The following TMEM131L variants were observed in gnomAD, a reference collection of about 807,000 sequenced individuals.
The protein encoded by TMEM131L is transmembrane protein 131-like.
In TMEM131L, 54 loss-of-function variants were observed where a neutral mutation model predicts 192.2. The ratio of observed to expected loss-of-function variants is 0.28; its 90% CI spans 0.23 to 0.35. TMEM131L has a LOEUF of 0.35. Among genes scored for constraint, TMEM131L ranks in the 10% least tolerant of loss-of-function variants. TMEM131L has a pLI of 1.00. For missense variants in TMEM131L, 1,888 were observed against 1,972.9 expected, an observed-to-expected ratio of 0.96 and a Z score of 0.82; for synonymous variants, 701 against 704.9, an observed-to-expected ratio of 0.99 and a Z score of 0.09.
At chr4:153,594,234 T>C (rs899398585) in intron 19 of TMEM131L, among the ~76,000 whole-genome samples, 6 of 138,096 alleles carry the variant, frequency 4.3e-5, no homozygotes, top group African/African-American at 1.5e-4. Flanking sequence ...AACAAATACA[T>C]TAAAAAAAAT....
rs114379539 is a variant in TMEM131L at position 153,527,256 on chromosome 4, C to A, written c.240-22817C>A. 5.4e-3 allele frequency among the ~76,000 whole-genome samples: 821 copies of A among 150,804 alleles called. 16 individuals are homozygous for A. The highest frequency in any genetic ancestry group is 0.019 in the African/African-American group (764 of 40,826). On this transcript the variant is annotated intron_variant, in intron 3 of 34. Transcript: ENST00000409959. The stretch of plus-strand genomic sequence containing the variant: ...GTAATTATCATTTGGTGACTTGTTG[C>A]CAAATCTTCAGTTTTTTTTCTTTGT...
intron 7 of TMEM131L, among the ~76,000 whole-genome samples, chr4:153,561,522 C>T (rs28379256): frequency 6.6e-6 from 1 of 152,128 alleles, no homozygotes; most frequent in Non-Finnish European, 1.5e-5. Context: ...GACCCATCCT[C>T]ACTTTAAGTT....
At chr4:153,607,703 TCTC>T (rs756895295) in intron 25 of TMEM131L, among the ~76,000 whole-genome samples, 6 of 152,176 alleles carry the variant, frequency 3.9e-5, no homozygotes, top group Non-Finnish European at 5.9e-5. Flanking sequence ...TAATCTGCCT[TCTC>T]CTATTCTGAG....
chr4:153,560,530 C>T (rs1561193042), intron 7 of TMEM131L, among the ~76,000 whole-genome samples: 1 of 152,156 alleles, frequency 6.6e-6, no homozygotes, highest in Non-Finnish European at 1.5e-5. Context: ...TAAAGTGTAC[C>T]ATTCAGTGGG....
In TMEM131L at chr4:153,586,382, A is replaced by T. The variant is rs1237169324; in HGVS notation, c.1482+3A>T. ...AGATTTATTCAGCACCAACCAAGGTATTTTCTACAATACTATATGTGTGTT... is the reference window on the plus strand; with the variant it reads ...AGATTTATTCAGCACCAACCAAGGTTTTTTCTACAATACTATATGTGTGTT... On this transcript the variant is annotated splice_donor_region_variant and intron_variant, in intron 14 of 34. Transcript: ENST00000409959. 1.3e-6 allele frequency: 2 copies of T among 1,588,832 alleles called. No individual in the cohort carries two copies. Among genetic ancestry groups the T allele is most frequent in the Admixed American group, 3.6e-5 (2 of 56,298 alleles).
At position 153,603,373 on chromosome 4, in the gene TMEM131L, A is replaced by G. The variant is rs766720102; in HGVS notation, c.2710A>G (p.Thr904Ala). ...GTACATTCTCATGGAATTCATGAAA[A>G]CAAGACAGAGGCAAAATGCTAGCTC... The part of the protein sequence containing the change: ...AQYILMEFMK[T>A]RQRQNASSSS... The change falls in exon 24 of 35, where the codon ACA becomes GCA. Residue 904 changes from threonine to alanine, a missense_variant. Coordinates refer to ENST00000409959, the MANE Select transcript of TMEM131L (RefSeq NM_001131007.2). 1.2e-6 allele frequency: 2 copies of G among 1,613,890 alleles called. No homozygotes were observed. Among genetic ancestry groups the G allele is most frequent in the African/African-American group, 1.3e-5 (1 of 74,892 alleles).
chr4:153,534,717 G>A (rs1425059528), intron 3 of TMEM131L, among the ~76,000 whole-genome samples: 2 of 152,234 alleles, frequency 1.3e-5, no homozygotes, highest in African/African-American at 4.8e-5. Context: ...ACAGGCGTGA[G>A]CCACGGCGCC....
intron 3 of TMEM131L, among the ~76,000 whole-genome samples, chr4:153,526,137 G>A (rs1005693696): frequency 4.6e-5 from 7 of 152,110 alleles, no homozygotes; most frequent in Non-Finnish European, 5.9e-5. Context: ...GATTACAGGC[G>A]TGAGCCACCA....
At chr4:153,525,892 C>G (rs1384774539) in intron 3 of TMEM131L, among the ~76,000 whole-genome samples, 1 of 151,688 alleles carries the variant, frequency 6.6e-6, no homozygotes, top group Non-Finnish European at 1.5e-5. Context: ...GAGTCTCGCT[C>G]TGTCGCCAGG....
intron 3 of TMEM131L, among the ~76,000 whole-genome samples, chr4:153,477,391 G>C (rs570765740): frequency 1.3e-5 from 2 of 152,176 alleles, no homozygotes; most frequent in Admixed American, 6.5e-5. Flanking sequence ...TGTGTTGCAC[G>C]TGCCTTTGTA....
At chr4:153,573,940 A>C (rs1729762874) in intron 7 of TMEM131L, among the ~76,000 whole-genome samples, 1 of 152,216 alleles carries the variant, frequency 6.6e-6, no homozygotes, top group African/African-American at 2.4e-5. Flanking sequence ...AATCAATATA[A>C]TCTCCCCTTT....
At chr4:153,515,770 TTATTA>T (rs1734687398) in intron 3 of TMEM131L, among the ~76,000 whole-genome samples, 1 of 152,194 alleles carries the variant, frequency 6.6e-6, no homozygotes, top group Non-Finnish European at 1.5e-5. Context: ...ATAGATGAGT[TTATTA>T]TAGCCCTTCT....
chr4:153,539,620 T>A (rs1736617980), intron 3 of TMEM131L, among the ~76,000 whole-genome samples: 1 of 151,354 alleles, frequency 6.6e-6, no homozygotes. Flanking sequence ...TACATGTTAG[T>A]ATTGTGCTCG....
chr4:153,564,005 C>T (rs1729022748), intron 7 of TMEM131L, among the ~76,000 whole-genome samples: 1 of 151,668 alleles, frequency 6.6e-6, no homozygotes, highest in South Asian at 2.1e-4. Context: ...TAAAAGAGGC[C>T]CAGCCAGATG....
At chr4:153,477,058 G>C (rs1204946112) in intron 3 of TMEM131L, among the ~76,000 whole-genome samples, 4 of 152,182 alleles carry the variant, frequency 2.6e-5, no homozygotes, top group African/African-American at 9.7e-5. Flanking sequence ...AAAGTGGATG[G>C]AGGGAAATGG....
At chr4:153,557,452 T>C (rs1027031808) in intron 6 of TMEM131L, among the ~76,000 whole-genome samples, 6 of 152,210 alleles carry the variant, frequency 3.9e-5, no homozygotes, top group Non-Finnish European at 8.8e-5. Flanking sequence ...TGATTTTGCC[T>C]ACCTTCCCTC....
intron 3 of TMEM131L, among the ~76,000 whole-genome samples, chr4:153,533,160 A>G (rs1226485833): frequency 6.6e-6 from 1 of 151,812 alleles, no homozygotes; most frequent in Middle Eastern, 3.2e-3. Context: ...CTAATTTTGT[A>G]TTTTTGTAGA....
At chr4:153,475,395 C>A (rs377746993) in intron 3 of TMEM131L, among the ~76,000 whole-genome samples, 1 of 152,154 alleles carries the variant, frequency 6.6e-6, no homozygotes, top group East Asian at 1.9e-4. Flanking sequence ...TCAGTACTTA[C>A]AAGCTTTTTC....
chr4:153,482,216 T>C (rs942815783), intron 3 of TMEM131L, among the ~76,000 whole-genome samples: 1 of 152,176 alleles, frequency 6.6e-6, no homozygotes, highest in South Asian at 2.1e-4. Flanking sequence ...ATTCACTCTA[T>C]CCATGTATAG....
Sources: allele counts gnomAD v4.1 joint callset (sites outside exome capture counted in the v4.1 genomes callset), GRCh38; gene constraint gnomAD v4.1.1; transcripts MANE v1.5; gene names NCBI Gene and HGNC (gene_info 2026-07-23, HGNC 2026-07-21).